Variants in TMTC1 observed in about 807,000 individuals in gnomAD.
TMTC1 encodes protein O-mannosyl-transferase TMTC1.
TMTC1 carries 73 observed loss-of-function variants against 104.8 expected under a neutral mutation model. The ratio of observed to expected loss-of-function variants is 0.70; its 90% CI spans 0.58 to 0.85. TMTC1 has a LOEUF of 0.85. Ranked by LOEUF, TMTC1 falls within the 40% of genes least tolerant of loss-of-function variation. The pLI is 0.00. For missense variants in TMTC1, 1,035 were observed against 1,096.1 expected, an observed-to-expected ratio of 0.94 and a Z score of 0.79; for synonymous variants, 434 against 428.7, an observed-to-expected ratio of 1.01 and a Z score of -0.15.
rs938545535 is a variant in TMTC1, at chr12:29,647,032, T to C, written c.939-13696A>G. On this transcript the variant is annotated intron_variant, in intron 5 of 17. Coordinates refer to ENST00000539277, the MANE Select transcript of TMTC1 (RefSeq NM_001193451.2). ...TTCAGCTTCGTTTCGAAAAAACATG[T>C]TTCTTTTTGAGACAGAATGTCACTC... Among the ~76,000 whole-genome samples the C allele has an allele frequency of 6.6e-5, 10 of 152,264 alleles. No homozygotes were observed. The East Asian group carries it at 1.9e-3, about 30-fold the overall frequency.
chr12:29,778,849 A>T (rs1282930885), intron 1 of TMTC1, among the ~76,000 whole-genome samples: 2 of 152,210 alleles, frequency 1.3e-5, no homozygotes, highest in Non-Finnish European at 1.5e-5. Context: ...TAAATAGCCT[A>T]TGTAAGTGTG....
intron 5 of TMTC1, among the ~76,000 whole-genome samples, chr12:29,732,490 G>A (rs1360289515): frequency 6.6e-6 from 1 of 152,156 alleles, no homozygotes; most frequent in Non-Finnish European, 1.5e-5. Flanking sequence ...CACCATAAAA[G>A]CATGGTTCAG....
chr12:29,566,609 C>T (rs925223778), intron 9 of TMTC1, among the ~76,000 whole-genome samples: 1 of 152,152 alleles, frequency 6.6e-6, no homozygotes, highest in Admixed American at 6.5e-5. Flanking sequence ...ACCACAACAC[C>T]AGTTAGGAGC....
intron 5 of TMTC1, among the ~76,000 whole-genome samples, chr12:29,664,527 G>A (rs1047731347): frequency 3.3e-5 from 5 of 152,090 alleles, no homozygotes; most frequent in African/African-American, 7.2e-5. Flanking sequence ...CAATACACAC[G>A]ATCTGTGAAG....
chr12:29,608,226 A>G (rs1416795429), intron 6 of TMTC1, among the ~76,000 whole-genome samples: 1 of 152,246 alleles, frequency 6.6e-6, no homozygotes, highest in Non-Finnish European at 1.5e-5. Context: ...AATGAGACAG[A>G]CTAGGAGGGA....
At chr12:29,655,799 A>G (rs1308817602) in intron 5 of TMTC1, among the ~76,000 whole-genome samples, 1 of 152,212 alleles carries the variant, frequency 6.6e-6, no homozygotes, top group Non-Finnish European at 1.5e-5. Flanking sequence ...CTTAAAAGTT[A>G]TTAGGATTTT....
chr12:29,557,136 C>T (rs1945267088), intron 9 of TMTC1, 136 bp from the exon 10 acceptor site: 1 of 985,742 alleles, frequency 1.0e-6, no homozygotes, highest in Non-Finnish European at 1.5e-6. Context: ...TGGTTTGTGT[C>T]CAATCTTACT....
chr12:29,752,285 A>AT (rs919486906), intron 4 of TMTC1, among the ~76,000 whole-genome samples: 1 of 152,064 alleles, frequency 6.6e-6, no homozygotes, highest in African/African-American at 2.4e-5. Context: ...AATTAATTAC[A>AT]TTTTTTTCTG....
At chr12:29,566,942 G>C (rs2136286892) in intron 9 of TMTC1, among the ~76,000 whole-genome samples, 1 of 152,342 alleles carries the variant, frequency 6.6e-6, no homozygotes, top group Middle Eastern at 3.4e-3. Context: ...AGTGTTGGCT[G>C]CTGGCAGCTC....
chr12:29,745,583 T>C (rs1942932017), intron 5 of TMTC1, among the ~76,000 whole-genome samples: 2 of 130,798 alleles, frequency 1.5e-5, no homozygotes, highest in South Asian at 4.8e-4. Flanking sequence ...ATAACATCAC[T>C]GTACTCCAGC....
At chr12:29,651,666 C>A (rs149406419) in intron 5 of TMTC1, among the ~76,000 whole-genome samples, 1 of 152,280 alleles carries the variant, frequency 6.6e-6, no homozygotes, top group East Asian at 1.9e-4. Context: ...AAAATTAAAC[C>A]TTTTCATGTT....
chr12:29,554,246 A>AT (rs1945179579), intron 10 of TMTC1, among the ~76,000 whole-genome samples: 1 of 152,154 alleles, frequency 6.6e-6, no homozygotes, highest in African/African-American at 2.4e-5. Context: ...AGTAGATCTA[A>AT]TTTTTGTCAC....
chr12:29,767,916 A>C lies in TMTC1; in HGVS notation c.462T>G (p.His154Gln). The C allele has an allele frequency of 6.2e-7, 1 of 1,613,798 alleles. No individual in the cohort carries two copies. The highest frequency in any genetic ancestry group is 8.5e-7 in the Non-Finnish European group (1 of 1,179,842). ...CACTTACCGCCTCAGTATGAATAGG[A>C]TGTACAGCAAAAAGCAATGCCGTTA... The part of the protein sequence containing the change: ...AFVTALLFAV[H>Q]PIHTEAVAGI... Residue 154 changes from histidine to glutamine, a missense_variant, in exon 2 of 18, where the codon CAT (histidine) becomes CAG (glutamine). Coordinates refer to ENST00000539277, the MANE Select transcript of TMTC1 (RefSeq NM_001193451.2).
intron 5 of TMTC1, among the ~76,000 whole-genome samples, chr12:29,683,343 C>T (rs1940983935): frequency 1.3e-5 from 2 of 151,882 alleles, no homozygotes; most frequent in Admixed American, 1.3e-4. Context: ...TCACTCTTCC[C>T]AAAAAAGCAT....
intron 6 of TMTC1, among the ~76,000 whole-genome samples, chr12:29,614,977 G>A (rs916947256): frequency 6.6e-6 from 1 of 152,212 alleles, no homozygotes; most frequent in Admixed American, 6.5e-5. Flanking sequence ...CAAATCAGAA[G>A]GAACTGTGGT....
chr12:29,717,584 C>T (rs302380), intron 5 of TMTC1, among the ~76,000 whole-genome samples: 152,206 of 152,378 alleles, frequency 1, 76,017 homozygotes, highest in Middle Eastern at 1. Context: ...AAAAACTAAT[C>T]ATTAGCTTAA....
Position 29,616,316 on chromosome 12 carries a change from C to T in TMTC1, c.1129-12017G>A, listed in dbSNP as rs377037050. Among the ~76,000 whole-genome samples, 14 of 152,284 alleles carry T rather than the reference C, an allele frequency of 9.2e-5. No individual in the cohort carries two copies. The East Asian group carries it at 9.6e-4, about 10-fold the overall frequency. ...CTATAACCTACTCCCCAAAAATCAA[C>T]GCGCTCTCTGGCAAACACAATTTCA... is the stretch of plus-strand genomic sequence containing the variant. On this transcript the variant is annotated intron_variant, in intron 6 of 17. Transcript: ENST00000539277.
chr12:29,681,988 GT>G (rs1317453561), intron 5 of TMTC1, among the ~76,000 whole-genome samples: 3 of 152,186 alleles, frequency 2.0e-5, no homozygotes, highest in Admixed American at 1.3e-4. Context: ...TAAAAACAGT[GT>G]TTTTTAAGGA....
At chr12:29,702,135 G>A (rs561946630) in intron 5 of TMTC1, among the ~76,000 whole-genome samples, 1 of 152,236 alleles carries the variant, frequency 6.6e-6, no homozygotes, top group East Asian at 1.9e-4. Flanking sequence ...TGATTAATAA[G>A]CTTTTCCCAT....
Sources: allele counts gnomAD v4.1 joint callset (sites outside exome capture counted in the v4.1 genomes callset), GRCh38; gene constraint gnomAD v4.1.1; transcripts MANE v1.5; gene names NCBI Gene and HGNC (gene_info 2026-07-23, HGNC 2026-07-21).